Variants in YBX2 observed in about 807,000 individuals in gnomAD.
YBX2 encodes Y-box-binding protein 2.
A neutral mutation model predicts 44.4 loss-of-function variants in YBX2; 5 were observed. The ratio of observed to expected loss-of-function variants is 0.11; its 90% CI spans 0.06 to 0.24. The LOEUF (loss-of-function observed/expected upper bound fraction) is 0.24. Among genes scored for constraint, YBX2 ranks in the 10% least tolerant of loss-of-function variants. YBX2 has a pLI of 1.00. For missense variants in YBX2, 417 were observed against 526.9 expected, an observed-to-expected ratio of 0.79 and a Z score of 2.04; for synonymous variants, 188 against 216.1, an observed-to-expected ratio of 0.87 and a Z score of 1.14.
Position 7,294,141 on chromosome 17 carries a change from T to G in YBX2, c.271+89A>C. 8.2e-7 allele frequency: 1 copy of G among 1,219,418 alleles called. No homozygotes were observed. The highest frequency in any genetic ancestry group is 1.0e-6 in the Non-Finnish European group (1 of 976,918). The allele number at this position is 1,219,418 out of a possible 1,614,324, so 75.5% of individuals were successfully genotyped here. A position where few individuals can be genotyped will look rare whatever the true frequency, so the allele number is the denominator to read the frequency against. ...TCTGGGCCTGCGGGCCAGGCCGCCT[T>G]TGGTTTTCCGGATCCTGCCGGGCTC... On this transcript the variant is annotated intron_variant, in intron 1 of 8. Coordinates refer to ENST00000007699, the MANE Select transcript of YBX2 (RefSeq NM_015982.4). This position sits in a 1 kb window ranked among gnomAD's most constrained non-coding sequence, Gnocchi z 4.6.
chr17:7,289,729 A>G lies in YBX2; in HGVS notation c.849-4T>C. On this transcript the variant is annotated splice_polypyrimidine_tract_variant and splice_region_variant and intron_variant, in intron 6 of 8. Coordinates refer to ENST00000007699, the MANE Select transcript of YBX2 (RefSeq NM_015982.4). ...GCGTGGCCTGGGGCGGAAAGGCCTAAGGCAAGGAACAAGGCTCTGAGGGGA... is the reference window on the plus strand; with the variant it reads ...GCGTGGCCTGGGGCGGAAAGGCCTAGGGCAAGGAACAAGGCTCTGAGGGGA... 1.9e-6 allele frequency: 3 copies of G among 1,553,810 alleles called. No individual in the cohort carries two copies. Among genetic ancestry groups the G allele is most frequent in the Non-Finnish European group, 2.6e-6 (3 of 1,143,018 alleles).
chr17:7,292,192 G>C, intron 2 of YBX2, 133 bp from the exon 3 acceptor site: 1 of 1,061,950 alleles, frequency 9.4e-7, no homozygotes, highest in Admixed American at 1.9e-5. Context: ...GGTGGACATG[G>C]CCTGGGGAAT....
chr17:7,293,332 G>T, intron 2 of YBX2, 143 bp downstream of exon 2: 3 of 1,428,828 alleles, frequency 2.1e-6, no homozygotes, highest in Non-Finnish European at 2.9e-6. Context: ...CATTTGTGCT[G>T]CGGTTAAAGG....
chr17:7,293,585 T>C (rs2072517201), intron 1 of YBX2, 47 bp from the exon 2 acceptor site: 4 of 1,613,766 alleles, frequency 2.5e-6, no homozygotes, highest in African/African-American at 1.3e-5. Context: ...GGGGAAGAGA[T>C]GGAGTTGAAC....
At chr17:7,294,000 T>C (rs908534304) in intron 1 of YBX2, 1 of 505,280 alleles carries the variant, frequency 2.0e-6, no homozygotes, top group South Asian at 6.1e-5. Flanking sequence ...GGCTTTATTC[T>C]CCACCCCAAG....
At chr17:7,288,920 T>A (rs1038218959) in intron 7 of YBX2, 82 bp from the exon 8 acceptor site, 35 of 1,558,464 alleles carry the variant, frequency 2.2e-5, no homozygotes, top group Non-Finnish European at 2.9e-5. Flanking sequence ...TGGAGTACAG[T>A]GGCGTGATCT....
At position 7,288,800 on chromosome 17, in the gene YBX2, G is replaced by A. The variant is rs1229435453; in HGVS notation, c.1083C>T (p.Thr361=). 1.2e-6 allele frequency: 2 copies of A among 1,607,208 alleles called. No individual in the cohort carries two copies. ...APVNSGDPTT[T]ILE ...AGTTGAGTTGGAATCACTCCAGGAT[G>A]GTGGTGGTGGGGTCCCCACTGTTGA... is the stretch of plus-strand genomic sequence containing the variant. Residue 361 remains threonine, a synonymous_variant, in exon 8 of 9, where the codon ACC becomes ACT. Transcript: ENST00000007699.
chr17:7,290,000 G>T lies in YBX2; in HGVS notation c.816C>A (p.Val272=). The T allele has an allele frequency of 6.2e-7, 1 of 1,614,234 alleles. No homozygotes were observed. The highest frequency in any genetic ancestry group is 8.5e-7 in the Non-Finnish European group (1 of 1,180,034). Residue 272 remains valine (V), a synonymous_variant, in exon 6 of 9, where the codon GTC becomes GTA. Transcript: ENST00000007699. The part of the protein sequence containing the change: ...EGHQQQGDER[V]PPPRFRPRYR... ...ACCTGGGCCGGAATCTGGGCGGGGG[G>T]ACTCGCTCATCTCCCTGCTGTTGGT... is the stretch of plus-strand genomic sequence containing the variant.
chr17:7,289,766 T>C (rs1199559189), intron 6 of YBX2, 41 bp from the exon 7 acceptor site: 4 of 1,611,062 alleles, frequency 2.5e-6, no homozygotes, highest in Non-Finnish European at 3.4e-6. Context: ...CAGGGAATAC[T>C]CCCTCCCCAG....
chr17:7,294,508 G>A lies in YBX2; in HGVS notation c.-8C>T. 6.9e-7 allele frequency: 1 copy of A among 1,456,992 alleles called. No individual in the cohort carries two copies. The highest frequency in any genetic ancestry group is 1.3e-5 in the South Asian group (1 of 78,162). 90.3% of individuals were successfully genotyped at this position (1,456,992 alleles called of 1,614,324 possible). A position where few individuals can be genotyped will look rare whatever the true frequency, so the allele number is the denominator to read the frequency against. ...CGCCTCCACCTCGCTCATCCCGCCG[G>A]GTCCAGTACCGGCCACAGCCGCCAC... On this transcript the variant is annotated 5_prime_UTR_variant, in exon 1 of 9. Transcript: ENST00000007699. The surrounding 1 kb of genome is among the most constrained non-coding windows in gnomAD (Gnocchi z 4.6).
In YBX2 at chr17:7,289,923, C is replaced by T; in HGVS notation, c.848+45G>A. Reference sequence around the variant, plus strand: ...TCCTCCTGTCCCTTGCCCCAAGGATCCAACACTGGAAGGGGAAGACCAAGC... The same window carrying T: ...TCCTCCTGTCCCTTGCCCCAAGGATTCAACACTGGAAGGGGAAGACCAAGC... On this transcript the variant is annotated intron_variant, in intron 6 of 8. Transcript: ENST00000007699. 3 of 1,610,062 alleles carry T rather than the reference C, an allele frequency of 1.9e-6. No homozygotes were observed. The South Asian group carries it at 3.3e-5, about 18-fold the overall frequency.
intron 4 of YBX2, 30 bp from the exon 5 acceptor site, chr17:7,290,565 C>T (rs916027212): frequency 6.2e-7 from 1 of 1,604,914 alleles, no homozygotes; most frequent in African/African-American, 1.3e-5. Flanking sequence ...ATAGTGAGAA[C>T]CTGCTCCAAC....
At position 7,293,471 on chromosome 17, in the gene YBX2, A is replaced by C; in HGVS notation, c.335+4T>G. On this transcript the variant is annotated splice_donor_region_variant and intron_variant, in intron 2 of 8. Coordinates refer to ENST00000007699, the MANE Select transcript of YBX2 (RefSeq NM_015982.4). ...TCCACCCCCGCCCTGGGTTCCTTGG[A>C]TACCTGTTGATGAATCCGTAACCAT... is the stretch of plus-strand genomic sequence containing the variant. The C allele has an allele frequency of 6.2e-7, 1 of 1,614,048 alleles. No homozygotes were observed. The highest frequency in any genetic ancestry group is 8.5e-7 in the Non-Finnish European group (1 of 1,179,976).
rs988594375 is a variant in YBX2, at chr17:7,291,617, C to T, written c.369+409G>A. The T allele has an allele frequency of 1.3e-5, 5 of 377,954 alleles. No individual in the cohort carries two copies. Among genetic ancestry groups the T allele is most frequent in the Admixed American group, 3.8e-5 (1 of 26,322 alleles). The allele number at this position is 377,954 out of a possible 1,614,324, so 23.4% of individuals were successfully genotyped here. A position where few individuals can be genotyped will look rare whatever the true frequency, so the allele number is the denominator to read the frequency against. On this transcript the variant is annotated intron_variant, in intron 3 of 8. Transcript: ENST00000007699. The surrounding 1 kb of genome is among the most constrained non-coding windows in gnomAD (Gnocchi z 5.8). ...GAATCACCTGGAGAGCTCGTTAAAC[C>T]GATTGTGGAGCCCCAGCCCCAGCTC...
chr17:7,294,361 CCCCCGCCGCCCG>C lies in YBX2; in HGVS notation c.128_139del (p.Ala43_Gly46del), dbSNP rs1039952039. On this transcript the variant is annotated inframe_deletion, in exon 1 of 9. Transcript: ENST00000007699. This position sits in a 1 kb window ranked among gnomAD's most constrained non-coding sequence, Gnocchi z 4.6. ...AGCAGCGGGGCCCGAGGCGGCTCCGCCCCCGCCGCCCGCCCCGCCGCCTTTCTGCGGCTCCCC... is the reference window on the plus strand; with the variant it reads ...AGCAGCGGGGCCCGAGGCGGCTCCGCCCCCGCCGCCTTTCTGCGGCTCCCC... The C allele has an allele frequency of 2.2e-5, 30 of 1,383,848 alleles. No individual in the cohort carries two copies. The highest frequency in any genetic ancestry group is 2.9e-5 in the Admixed American group (1 of 35,038). 85.7% of individuals were successfully genotyped at this position (1,383,848 alleles called of 1,614,324 possible).
intron 4 of YBX2, 128 bp downstream of exon 4, chr17:7,290,965 G>T: frequency 1.1e-6 from 1 of 915,630 alleles, no homozygotes; most frequent in Non-Finnish European, 1.8e-6. Flanking sequence ...ACATCAGGGT[G>T]AGAGAACACA....
rs1567604379 is a variant in YBX2 at position 7,290,006 on chromosome 17, C to T, written c.810G>A (p.Glu270=). 6.2e-7 allele frequency: 1 copy of T among 1,614,276 alleles called. No homozygotes were observed. Among genetic ancestry groups the T allele is most frequent in the Non-Finnish European group, 8.5e-7 (1 of 1,180,048 alleles). ...PLEGHQQQGD[E]RVPPPRFRPR... is the part of the protein sequence containing the mutation. ...GCCGGAATCTGGGCGGGGGGACTCG[C>T]TCATCTCCCTGCTGTTGGTGCCCCT... Residue 270 remains glutamate (E), a synonymous_variant, in exon 6 of 9, where the codon GAG becomes GAA. Coordinates refer to ENST00000007699, the MANE Select transcript of YBX2 (RefSeq NM_015982.4).
At chr17:7,290,591 C>T in intron 4 of YBX2, 56 bp from the exon 5 acceptor site, 1 of 1,583,524 alleles carries the variant, frequency 6.3e-7, no homozygotes, top group Non-Finnish European at 8.6e-7. Context: ...ATGTGCATTT[C>T]CCAACTTGCT....
chr17:7,290,304 G>C lies in YBX2; in HGVS notation c.691C>G (p.Arg231Gly). ...RRWCPPPFFY[R>G]RRFVRGPRPP... Reference sequence around the variant, plus strand: ...CGGGGGCCTCGCACAAACCGCCGTCGGTAGAAGAAGGGTGGGGGGCACCAT... The same window carrying C: ...CGGGGGCCTCGCACAAACCGCCGTCCGTAGAAGAAGGGTGGGGGGCACCAT... The change falls in exon 5 of 9, where the codon CGA (arginine) becomes GGA (glycine). Residue 231 changes from arginine (R) to glycine (G), a missense_variant. Physicochemically the swap from Arg to Gly is moderately radical, Grantham distance 125. This residue lies in a region of YBX2 where 257 missense variants were observed against 261.7 expected (regional missense o/e 0.98). Transcript: ENST00000007699. 1 of 1,613,866 alleles carries C rather than the reference G, an allele frequency of 6.2e-7. No individual in the cohort carries two copies. The highest frequency in any genetic ancestry group is 8.5e-7 in the Non-Finnish European group (1 of 1,179,940).
Sources: gnomAD v4.1 joint callset for allele counts on GRCh38, gnomAD v4.1.1 for gene constraint, gnomAD v4.1.1 regional missense constraint, Gnocchi (gnomAD v3.1) non-coding constraint, MANE v1.5 for transcripts, NCBI Gene and HGNC (gene_info 2026-07-23, HGNC 2026-07-21) for gene names.